SNTB1: variants seen among roughly 807,000 people sequenced by gnomAD.
The protein encoded by SNTB1 is beta-1-syntrophin.
SNTB1 carries 36 observed loss-of-function variants against 48.9 expected under a neutral mutation model. The ratio of observed to expected loss-of-function variants is 0.74; its 90% CI spans 0.56 to 0.97. The LOEUF (loss-of-function observed/expected upper bound fraction) is 0.97. SNTB1 is among the 50% of genes least tolerant of loss of function. SNTB1 has a pLI of 0.00. For missense variants in SNTB1, 786 were observed against 703.4 expected (o/e 1.12, Z -1.33); for synonymous variants, 299 against 294.6 (o/e 1.01, Z -0.15).
intron 3 of SNTB1, among the ~76,000 whole-genome samples, chr8:120,585,300 C>T (rs1447964240): frequency 6.6e-6 from 1 of 152,222 alleles, no homozygotes; most frequent in Non-Finnish European, 1.5e-5. Flanking sequence ...GGACTGTCTC[C>T]TCTCAGCTGG....
intron 1 of SNTB1, among the ~76,000 whole-genome samples, chr8:120,697,772 A>C (rs1288895611): frequency 6.6e-6 from 1 of 152,262 alleles, no homozygotes; most frequent in Non-Finnish European, 1.5e-5. Context: ...GTATGTTTAC[A>C]GAGACAAATG....
chr8:120,642,217 C>G (rs1817207386), intron 2 of SNTB1, among the ~76,000 whole-genome samples: 1 of 152,146 alleles, frequency 6.6e-6, no homozygotes, highest in Non-Finnish European at 1.5e-5. Context: ...CTGAGCTTCC[C>G]CTGTCAGTTT....
intron 4 of SNTB1, among the ~76,000 whole-genome samples, chr8:120,558,958 C>T (rs1398734309): frequency 6.6e-6 from 1 of 152,124 alleles, no homozygotes; most frequent in Non-Finnish European, 1.5e-5. Flanking sequence ...CACTCAGTAT[C>T]TGTTAAATGA....
chr8:120,780,572 A>T (rs1372556096), intron 1 of SNTB1, among the ~76,000 whole-genome samples: 1 of 152,220 alleles, frequency 6.6e-6, no homozygotes, highest in Non-Finnish European at 1.5e-5. Flanking sequence ...CATTTCCAGA[A>T]AAATCTGAAT....
chr8:120,789,887 A>G (rs577810797), intron 1 of SNTB1, among the ~76,000 whole-genome samples: 7 of 152,080 alleles, frequency 4.6e-5, no homozygotes, highest in African/African-American at 1.7e-4. Context: ...CTCATTCTAC[A>G]AAGCCAGTAT....
intron 1 of SNTB1, among the ~76,000 whole-genome samples, chr8:120,696,546 A>G (rs546174987): frequency 6.6e-6 from 1 of 152,334 alleles, no homozygotes; most frequent in Non-Finnish European, 1.5e-5. Context: ...ATACAAGGAA[A>G]CTAAGGTCTA....
At chr8:120,724,195 G>C (rs1369714654) in intron 1 of SNTB1, among the ~76,000 whole-genome samples, 1 of 152,202 alleles carries the variant, frequency 6.6e-6, no homozygotes, top group East Asian at 1.9e-4. Flanking sequence ...TGTTTCAGGG[G>C]ACCTTGCCCA....
chr8:120,541,442 T>G (rs1299106275), intron 6 of SNTB1, among the ~76,000 whole-genome samples: 1 of 152,176 alleles, frequency 6.6e-6, no homozygotes, highest in African/African-American at 2.4e-5. Context: ...GGACCATGTC[T>G]TTTACTTTGC....
chr8:120,541,411 C>G (rs921477781), intron 6 of SNTB1, among the ~76,000 whole-genome samples: 3 of 152,110 alleles, frequency 2.0e-5, no homozygotes, highest in Admixed American at 2.0e-4. Flanking sequence ...GTCCTCTCCT[C>G]GGAGACTTCC....
chr8:120,660,168 A>C (rs372889379), intron 2 of SNTB1, among the ~76,000 whole-genome samples: 13 of 152,242 alleles, frequency 8.5e-5, no homozygotes, highest in African/African-American at 2.9e-4. Context: ...ATTAGCCCTT[A>C]ACAAGAGAGT....
intron 1 of SNTB1, among the ~76,000 whole-genome samples, chr8:120,717,650 G>A (rs1818583672): frequency 6.6e-6 from 1 of 152,140 alleles, no homozygotes; most frequent in Non-Finnish European, 1.5e-5. Context: ...GATTTGTATT[G>A]ACAGCTTCAC....
rs532348727 is a variant in SNTB1, at chr8:120,750,339, T to C, written c.572-56431A>G. Among the ~76,000 whole-genome samples the C allele has an allele frequency of 3.9e-5, 6 of 152,260 alleles. No individual in the cohort carries two copies. The South Asian group carries it at 1.2e-3, about 32-fold the overall frequency. On this transcript the variant is annotated intron_variant, in intron 1 of 6. Coordinates refer to ENST00000517992, the MANE Select transcript of SNTB1 (RefSeq NM_021021.4). Reference sequence around the variant, plus strand: ...ATCATTTTATGGAGAGTGTCTACAATGTGAAATGAATTGCTGAGCTCCTAA... The same window carrying C: ...ATCATTTTATGGAGAGTGTCTACAACGTGAAATGAATTGCTGAGCTCCTAA...
intron 1 of SNTB1, among the ~76,000 whole-genome samples, chr8:120,791,565 G>A (rs1372348282): frequency 6.6e-6 from 1 of 151,884 alleles, no homozygotes; most frequent in Admixed American, 6.6e-5. Context: ...CTAATATCCA[G>A]AATCTACAAG....
At chr8:120,664,544 T>A (rs2129761133) in intron 2 of SNTB1, among the ~76,000 whole-genome samples, 1 of 152,352 alleles carries the variant, frequency 6.6e-6, no homozygotes, top group East Asian at 1.9e-4. Context: ...CTTCCTTTTG[T>A]CTGGCTTATT....
At chr8:120,566,570 C>T (rs1389450814) in intron 4 of SNTB1, among the ~76,000 whole-genome samples, 1 of 152,242 alleles carries the variant, frequency 6.6e-6, no homozygotes, top group Admixed American at 6.5e-5. Context: ...ATAGCAGCCC[C>T]AAATGGACTC....
intron 2 of SNTB1, among the ~76,000 whole-genome samples, chr8:120,681,854 G>A (rs1380843052): frequency 1.3e-5 from 2 of 151,812 alleles, no homozygotes; most frequent in Non-Finnish European, 2.9e-5. Flanking sequence ...CCAGACATTT[G>A]AGAAAACCTC....
chr8:120,569,703 T>G (rs1815810921), intron 4 of SNTB1, among the ~76,000 whole-genome samples: 1 of 152,174 alleles, frequency 6.6e-6, no homozygotes, highest in Admixed American at 6.5e-5. Flanking sequence ...TCTGATAGAA[T>G]TTTGGTGGTG....
intron 3 of SNTB1, among the ~76,000 whole-genome samples, chr8:120,597,104 G>C (rs1472387748): frequency 2.0e-5 from 3 of 152,160 alleles, no homozygotes; most frequent in African/African-American, 7.2e-5. Context: ...AATCACAAGA[G>C]GGACATTTCA....
intron 4 of SNTB1, among the ~76,000 whole-genome samples, chr8:120,550,271 G>A (rs1173862773): frequency 2.6e-5 from 4 of 152,182 alleles, no homozygotes; most frequent in Non-Finnish European, 4.4e-5. Context: ...GCCAGGCATG[G>A]TGCCTCACAC....
Sources: allele counts gnomAD v4.1 joint callset (sites outside exome capture counted in the v4.1 genomes callset), GRCh38; gene constraint gnomAD v4.1.1; transcripts MANE v1.5; gene names NCBI Gene and HGNC (gene_info 2026-07-23, HGNC 2026-07-21).